Variants in TENT5D observed in about 807,000 individuals in gnomAD.
The protein encoded by TENT5D is cancer/testis antigen 112.
For missense variants in TENT5D, 191 were observed against 287.0 expected (o/e 0.67, Z 2.42); for synonymous variants, 103 against 100.6 (o/e 1.02, Z -0.15).
chrX:80,398,811 A>G (rs1931337183), intron 3 of TENT5D, among the ~76,000 whole-genome samples: 1 of 110,195 alleles, frequency 9.1e-6, no homozygotes, highest in Non-Finnish European at 1.9e-5. Context: ...TGTTTGGGTT[A>G]CTACAGCTTT....
intron 3 of TENT5D, among the ~76,000 whole-genome samples, chrX:80,390,878 G>T (rs1450396949): frequency 3.6e-5 from 4 of 111,771 alleles, no homozygotes; most frequent in African/African-American, 9.7e-5. Context: ...AACAATGAAC[G>T]TTCTTGTGTG....
At chrX:80,385,910 AAGTC>A (rs1440730553) in intron 3 of TENT5D, among the ~76,000 whole-genome samples, 1 of 112,321 alleles carries the variant, frequency 8.9e-6, no homozygotes, top group Non-Finnish European at 1.9e-5. Flanking sequence ...GATCATTAAA[AAGTC>A]AGGAAACAAC....
chrX:80,410,764 A>C (rs1293609465), intron 3 of TENT5D, among the ~76,000 whole-genome samples: 1 of 110,153 alleles, frequency 9.1e-6, no homozygotes, highest in African/African-American at 3.3e-5. Context: ...AAAGGGCTAT[A>C]AATCTTGCTA....
At chrX:80,357,425 T>G (rs1254756077) in intron 3 of TENT5D, among the ~76,000 whole-genome samples, 2 of 108,682 alleles carry the variant, frequency 1.8e-5, no homozygotes, top group Non-Finnish European at 3.8e-5. Flanking sequence ...CAGCACCTGT[T>G]GTTTCCTGAC....
At chrX:80,442,923 C>T (rs374685215) in exon 3 of TENT5D, 17 of 1,209,406 alleles carry the variant, frequency 1.4e-5, no homozygotes, top group Middle Eastern at 2.3e-4. Context: ...TCATGAAAGA[C>T]GCTTACGTAC....
intron 3 of TENT5D, among the ~76,000 whole-genome samples, chrX:80,351,012 G>A (rs1019018062): frequency 5.4e-5 from 6 of 111,808 alleles, no homozygotes; most frequent in Admixed American, 3.8e-4. Flanking sequence ...AGAGAGATAC[G>A]CTGTTAGTCT....
intron 3 of TENT5D, among the ~76,000 whole-genome samples, chrX:80,355,306 G>A (rs1359040881): frequency 1.8e-5 from 2 of 111,841 alleles, no homozygotes; most frequent in African/African-American, 6.5e-5. Flanking sequence ...TTGCAAGTGG[G>A]TATGGCCAGG....
chrX:80,419,208 T>C (rs190525542), upstream of TENT5D, among the ~76,000 whole-genome samples: 22 of 111,862 alleles, frequency 2.0e-4, no homozygotes, highest in African/African-American at 6.8e-4. Context: ...AAACTTATAT[T>C]CAGTATTATA....
At chrX:80,378,179 T>G (rs994126247) in intron 3 of TENT5D, among the ~76,000 whole-genome samples, 1 of 112,099 alleles carries the variant, frequency 8.9e-6, no homozygotes, top group Admixed American at 9.5e-5. Flanking sequence ...TCTCCCATTT[T>G]GTAGGTTGCC....
chrX:80,397,952 C>T (rs919038632), intron 3 of TENT5D, among the ~76,000 whole-genome samples: 11 of 106,848 alleles, frequency 1.0e-4, no homozygotes, highest in East Asian at 2.9e-4. Context: ...TGGGAGAGGG[C>T]GAGGGAGGGA....
At chrX:80,440,298 C>T (rs774235739) in intron 2 of TENT5D, among the ~76,000 whole-genome samples, 4 of 111,098 alleles carry the variant, frequency 3.6e-5, no homozygotes, top group Non-Finnish European at 7.6e-5. Context: ...AAATTTTGGA[C>T]CACTTTCTTA....
At chrX:80,407,213 T>C (rs1213041061) in intron 3 of TENT5D, among the ~76,000 whole-genome samples, 5 of 107,887 alleles carry the variant, frequency 4.6e-5, no homozygotes, top group Non-Finnish European at 7.7e-5. Context: ...AATAACCAGC[T>C]AACATCATAA....
intron 3 of TENT5D, among the ~76,000 whole-genome samples, chrX:80,347,630 C>G (rs775612678): frequency 8.9e-6 from 1 of 112,056 alleles, no homozygotes; most frequent in Admixed American, 9.5e-5. Context: ...GTTGCCTGTT[C>G]ACACAGATGA....
intron 3 of TENT5D, among the ~76,000 whole-genome samples, chrX:80,357,847 G>A (rs142303678): frequency 3.6e-5 from 4 of 111,646 alleles, no homozygotes; most frequent in African/African-American, 1.3e-4. Flanking sequence ...AAAAGAGCCT[G>A]CATTGCCAAG....
intron 2 of TENT5D, among the ~76,000 whole-genome samples, chrX:80,441,501 T>C (rs186414905): frequency 5.9e-4 from 66 of 111,317 alleles, no homozygotes; most frequent in African/African-American, 1.9e-3. Context: ...AGGCTTCATA[T>C]TGTTTTTTAT....
At chrX:80,405,317 G>A (rs930685250) in intron 3 of TENT5D, among the ~76,000 whole-genome samples, 3 of 112,717 alleles carry the variant, frequency 2.7e-5, no homozygotes, top group African/African-American at 9.7e-5. Flanking sequence ...GAAGACGGGT[G>A]ATTTCTGCAT....
chrX:80,415,226 A>G (rs1442129558), intron 3 of TENT5D, among the ~76,000 whole-genome samples: 1 of 111,960 alleles, frequency 8.9e-6, no homozygotes. Context: ...ATAGAATAAT[A>G]TAATCAACAA....
intron 3 of TENT5D, among the ~76,000 whole-genome samples, chrX:80,410,145 A>G (rs1931615394): frequency 9.3e-6 from 1 of 107,990 alleles, no homozygotes; most frequent in South Asian, 4.1e-4. Flanking sequence ...AAACCCTAGA[A>G]GAAAACCTAG....
intron 2 of TENT5D, among the ~76,000 whole-genome samples, chrX:80,441,043 A>T (rs1932273088): frequency 9.0e-6 from 1 of 111,148 alleles, no homozygotes; most frequent in Non-Finnish European, 1.9e-5. Flanking sequence ...ATTTCATTCG[A>T]TAGATAAATT....
Sources: gnomAD v4.1 joint callset for allele counts (sites outside exome capture counted in the v4.1 genomes callset) on GRCh38, gnomAD v4.1.1 for gene constraint, MANE v1.5 for transcripts, NCBI Gene and HGNC (gene_info 2026-07-23, HGNC 2026-07-21) for gene names.